SEMA3E: variants seen among roughly 807,000 people sequenced by gnomAD.
The protein encoded by SEMA3E is semaphorin-3E.
In SEMA3E, 49 loss-of-function variants were observed where a neutral mutation model predicts 93.6. The ratio of observed to expected loss-of-function variants is 0.52; its 90% CI spans 0.42 to 0.66. The LOEUF (loss-of-function observed/expected upper bound fraction) is 0.66, where lower values mean the gene tolerates loss of function less well. Ranked by LOEUF, SEMA3E falls within the 30% of genes least tolerant of loss-of-function variation. The pLI is 0.00. For synonymous variants in SEMA3E, 363 were observed against 330.7 expected (o/e 1.10, Z -1.06); for missense variants, 906 against 964.8 (o/e 0.94, Z 0.81).
intron 2 of SEMA3E, among the ~76,000 whole-genome samples, chr7:83,485,560 G>T (rs997727609): frequency 9.2e-5 from 14 of 151,904 alleles, no homozygotes; most frequent in Non-Finnish European, 1.9e-4. Flanking sequence ...CAAAACAAAA[G>T]GCAATCCCGG....
chr7:83,597,745 A>T (rs1792908170), intron 1 of SEMA3E, among the ~76,000 whole-genome samples: 1 of 152,158 alleles, frequency 6.6e-6, no homozygotes, highest in South Asian at 2.1e-4. Flanking sequence ...TTCATCAAAA[A>T]TGTTCTATGT....
chr7:83,458,556 G>C (rs373948446), intron 4 of SEMA3E, among the ~76,000 whole-genome samples: 1 of 151,800 alleles, frequency 6.6e-6, no homozygotes, highest in Non-Finnish European at 1.5e-5. Flanking sequence ...CATCTGAACC[G>C]TATGTGCAAG....
intron 1 of SEMA3E, among the ~76,000 whole-genome samples, chr7:83,573,911 AATT>A (rs942073266): frequency 1.3e-5 from 2 of 151,964 alleles, no homozygotes; most frequent in African/African-American, 4.8e-5. Flanking sequence ...TTAAAGCTCT[AATT>A]AATTTATTAC....
chr7:83,420,226 C>T (rs1788646355), intron 4 of SEMA3E, among the ~76,000 whole-genome samples: 1 of 152,108 alleles, frequency 6.6e-6, no homozygotes, highest in Non-Finnish European at 1.5e-5. Flanking sequence ...TCTACAAATA[C>T]ATCTAAGCAA....
chr7:83,561,509 A>C (rs1792029385), intron 1 of SEMA3E, among the ~76,000 whole-genome samples: 1 of 152,076 alleles, frequency 6.6e-6, no homozygotes, highest in Non-Finnish European at 1.5e-5. Flanking sequence ...CTCTGGCAGA[A>C]AACTTTGTTC....
chr7:83,493,131 C>T (rs1790418149), intron 1 of SEMA3E, among the ~76,000 whole-genome samples: 2 of 151,640 alleles, frequency 1.3e-5, no homozygotes, highest in South Asian at 4.2e-4. Flanking sequence ...TAAAACAGTG[C>T]AAAAAAAGAA....
At chr7:83,418,307 G>T in intron 5 of SEMA3E, 83 bp downstream of exon 5, 2 of 960,352 alleles carry the variant, frequency 2.1e-6, no homozygotes, top group Non-Finnish European at 3.3e-6. Flanking sequence ...GTAAAGAAAT[G>T]CTGAAAGAAT....
intron 1 of SEMA3E, among the ~76,000 whole-genome samples, chr7:83,558,374 G>A (rs888151698): frequency 6.6e-6 from 1 of 152,012 alleles, no homozygotes; most frequent in African/African-American, 2.4e-5. Flanking sequence ...CTGGCACCAA[G>A]GTTTTACTGA....
intron 1 of SEMA3E, among the ~76,000 whole-genome samples, chr7:83,565,251 G>A (rs188224549): frequency 9.2e-5 from 14 of 152,246 alleles, no homozygotes; most frequent in South Asian, 2.1e-4. Context: ...GCAGGGACAC[G>A]GATGAAGCTA....
At chr7:83,445,259 C>A (rs940943283) in intron 4 of SEMA3E, among the ~76,000 whole-genome samples, 1 of 152,116 alleles carries the variant, frequency 6.6e-6, no homozygotes. Context: ...AATAAATCAG[C>A]TTGTAGGTTA....
chr7:83,422,611 C>T (rs1370633023), intron 4 of SEMA3E, among the ~76,000 whole-genome samples: 1 of 152,120 alleles, frequency 6.6e-6, no homozygotes, highest in Non-Finnish European at 1.5e-5. Context: ...TATAGTCAAA[C>T]ATCAGCGTCA....
chr7:83,503,143 G>A (rs1211531579), intron 1 of SEMA3E, among the ~76,000 whole-genome samples: 1 of 151,848 alleles, frequency 6.6e-6, no homozygotes, highest in Non-Finnish European at 1.5e-5. Flanking sequence ...CATAATATAG[G>A]CTCAAAATGA....
At chr7:83,601,437 T>TG (rs879423108) in intron 1 of SEMA3E, among the ~76,000 whole-genome samples, 3 of 152,022 alleles carry the variant, frequency 2.0e-5, no homozygotes, top group Non-Finnish European at 4.4e-5. Flanking sequence ...TTACTCTTTT[T>TG]TTTTTTATCA....
intron 4 of SEMA3E, among the ~76,000 whole-genome samples, chr7:83,424,009 A>C (rs1352583338): frequency 6.6e-6 from 1 of 152,180 alleles, no homozygotes; most frequent in African/African-American, 2.4e-5. Context: ...TAATTTTTTT[A>C]ATAATGTAAG....
At chr7:83,612,411 A>G (rs1328578210) in intron 1 of SEMA3E, among the ~76,000 whole-genome samples, 1 of 152,128 alleles carries the variant, frequency 6.6e-6, no homozygotes, top group Non-Finnish European at 1.5e-5. Context: ...ACTGTGATAG[A>G]AACTTTAAAT....
intron 1 of SEMA3E, among the ~76,000 whole-genome samples, chr7:83,502,217 A>G (rs1790610010): frequency 6.6e-6 from 1 of 151,990 alleles, no homozygotes. Context: ...TGTTCTTCCT[A>G]TTATTCTGTC....
intron 4 of SEMA3E, among the ~76,000 whole-genome samples, chr7:83,437,055 G>A (rs558165196): frequency 1.3e-5 from 2 of 152,168 alleles, no homozygotes; most frequent in South Asian, 4.1e-4. Flanking sequence ...ACTATCATGA[G>A]AACAGCATGG....
Position 83,367,119 on chromosome 7 carries a change from G to T in SEMA3E, c.*467C>A. ...ACACTAATAAAATAATCCTTAAAGA[G>T]TACAGAAAGTTCACATGAGAATGCC... On this transcript the variant is annotated 3_prime_UTR_variant, in exon 17 of 17. Coordinates refer to ENST00000643230, the MANE Select transcript of SEMA3E (RefSeq NM_012431.3). 5.3e-6 allele frequency: 1 copy of T among 190,236 alleles called. No individual in the cohort carries two copies. Among genetic ancestry groups the T allele is most frequent in the Non-Finnish European group, 1.1e-5 (1 of 91,528 alleles). 11.8% of individuals were successfully genotyped at this position (190,236 alleles called of 1,614,324 possible).
At chr7:83,628,831 C>A (rs1022606381) in intron 1 of SEMA3E, among the ~76,000 whole-genome samples, 1 of 152,094 alleles carries the variant, frequency 6.6e-6, no homozygotes, top group South Asian at 2.1e-4. Flanking sequence ...CCCTTGCTGG[C>A]GAGGAGTTGT....
Sources: gnomAD v4.1 joint callset for allele counts (sites outside exome capture counted in the v4.1 genomes callset) on GRCh38, gnomAD v4.1.1 for gene constraint, MANE v1.5 for transcripts, NCBI Gene and HGNC (gene_info 2026-07-23, HGNC 2026-07-21) for gene names.